The following LTBP2 variants were observed in gnomAD, a reference collection of about 807,000 sequenced individuals.
LTBP2 encodes the protein latent transforming growth factor beta binding protein 2.
LTBP2 carries 103 observed loss-of-function variants against 210.6 expected under a neutral mutation model. The observed-to-expected ratio is 0.49, with a 90% CI of 0.42 to 0.58. The LOEUF is 0.58. Among genes scored for constraint, LTBP2 ranks in the 20% least tolerant of loss-of-function variants. The probability of loss-of-function intolerance (pLI) is 0.00; values close to 1 mark genes in which losing one functional copy is unlikely to be tolerated. For missense variants in LTBP2, 2,313 were observed against 2,494.5 expected (o/e 0.93, Z 1.55); for synonymous variants, 1,007 against 1,015.0 (o/e 0.99, Z 0.15).
At chr14:74,519,260 T>C (rs2139706885) in intron 17 of LTBP2, among the ~76,000 whole-genome samples, 1 of 152,136 alleles carries the variant, frequency 6.6e-6, no homozygotes, top group East Asian at 1.9e-4. Context: ...GCTTAAAGGA[T>C]AGAGGACAAA....
At position 74,502,640 on chromosome 14, in the gene LTBP2, C is replaced by T. The variant is rs1156854397; in HGVS notation, c.5170+13G>A. 1 of 1,614,130 alleles carries T rather than the reference C, an allele frequency of 6.2e-7. No homozygotes were observed. Among genetic ancestry groups the T allele is most frequent in the Non-Finnish European group, 8.5e-7 (1 of 1,180,032 alleles). ...GGTGCCCACCTCTTCCCCAGTTTTG[C>T]AGCAACACAGACCTGGATGGCTGGC... On this transcript the variant is annotated intron_variant, in intron 34 of 35. Transcript: ENST00000261978.
chr14:74,550,046 G>A, intron 7 of LTBP2, 81 bp from the exon 8 acceptor site: 2 of 939,286 alleles, frequency 2.1e-6, no homozygotes, highest in East Asian at 4.9e-5. Flanking sequence ...GGAAAGCCTA[G>A]GACACAGAGC....
intron 8 of LTBP2, among the ~76,000 whole-genome samples, chr14:74,546,457 C>T (rs985353836): frequency 6.6e-6 from 1 of 152,204 alleles, no homozygotes; most frequent in African/African-American, 2.4e-5. Flanking sequence ...ACGTCTTGCC[C>T]CTTCTCTATA....
At chr14:74,541,675 A>G (rs910267142) in intron 8 of LTBP2, among the ~76,000 whole-genome samples, 3 of 152,112 alleles carry the variant, frequency 2.0e-5, no homozygotes, top group African/African-American at 7.2e-5. Flanking sequence ...CTAGGGACCA[A>G]TGGAGGTACC....
chr14:74,526,932 C>A (rs2087280714), intron 13 of LTBP2, among the ~76,000 whole-genome samples: 1 of 152,146 alleles, frequency 6.6e-6, no homozygotes, highest in South Asian at 2.1e-4. Flanking sequence ...TCCCTGTACA[C>A]CACTCCCAGA....
At chr14:74,562,795 G>A (rs994876861) in intron 3 of LTBP2, among the ~76,000 whole-genome samples, 1 of 152,100 alleles carries the variant, frequency 6.6e-6, no homozygotes, top group African/African-American at 2.4e-5. Flanking sequence ...AGAAACAGAC[G>A]CTCTCGGATG....
At chr14:74,547,253 C>G (rs1175805504) in intron 8 of LTBP2, among the ~76,000 whole-genome samples, 1 of 152,208 alleles carries the variant, frequency 6.6e-6, no homozygotes, top group African/African-American at 2.4e-5. Context: ...TAGTGAATTA[C>G]AGAGGAGATA....
Position 74,501,480 on chromosome 14 carries a change from C to T in LTBP2, c.5281G>A (p.Glu1761Lys). The change falls in exon 35 of 36, where the codon GAG becomes AAG. Residue 1761 changes from glutamate (E) to lysine (K), a missense_variant. Transcript: ENST00000261978. ...VREGYTCDCF[E>K]GFQLDAAHMA... ...TGGGCCGCATCCAGCTGGAAGCCCT[C>T]AAAACAGTCACAGGTGTAGCCCTCC... 2 of 1,614,176 alleles carry T rather than the reference C, an allele frequency of 1.2e-6. No individual in the cohort carries two copies. The highest frequency in any genetic ancestry group is 1.7e-6 in the Non-Finnish European group (2 of 1,180,024).
At chr14:74,550,824 C>A (rs367758010) in intron 7 of LTBP2, among the ~76,000 whole-genome samples, 40 of 152,212 alleles carry the variant, frequency 2.6e-4, no homozygotes, top group Non-Finnish European at 4.9e-4. Flanking sequence ...AGGGGAACTT[C>A]CTTGGGTCTT....
chr14:74,609,986 C>G (rs1362621586), intron 1 of LTBP2, among the ~76,000 whole-genome samples: 1 of 152,208 alleles, frequency 6.6e-6, no homozygotes. Context: ...TATGTGTAAG[C>G]GACTTGGCAG....
At chr14:74,517,629 T>C (rs942614057) in intron 17 of LTBP2, among the ~76,000 whole-genome samples, 1 of 151,934 alleles carries the variant, frequency 6.6e-6, no homozygotes, top group Non-Finnish European at 1.5e-5. Flanking sequence ...CTCCTCAGCC[T>C]CCCAAAGTGC....
At chr14:74,536,109 G>A in intron 8 of LTBP2, 109 bp from the exon 9 acceptor site, 2 of 919,990 alleles carry the variant, frequency 2.2e-6, no homozygotes, top group Non-Finnish European at 1.8e-6. Flanking sequence ...CGGCAGCAGT[G>A]AGCCCCAGCC....
intron 27 of LTBP2, among the ~76,000 whole-genome samples, 196 bp from the exon 28 acceptor site, chr14:74,506,387 A>G (rs1425321192): frequency 6.6e-6 from 1 of 152,202 alleles, no homozygotes; most frequent in East Asian, 1.9e-4. Context: ...AGTGGCAGCA[A>G]ACGGTCACAG....
intron 30 of LTBP2, among the ~76,000 whole-genome samples, chr14:74,504,428 C>T (rs1306540394): frequency 4.6e-5 from 7 of 152,214 alleles, no homozygotes; most frequent in Non-Finnish European, 5.9e-5. Flanking sequence ...CTCATCAGTG[C>T]GGCCAGGGAG....
chr14:74,526,798 T>C (rs1296781201), intron 13 of LTBP2, among the ~76,000 whole-genome samples: 1 of 152,172 alleles, frequency 6.6e-6, no homozygotes, highest in Admixed American at 6.5e-5. Context: ...AGATCCCCTC[T>C]TCTGGAATGT....
intron 2 of LTBP2, among the ~76,000 whole-genome samples, chr14:74,592,772 G>A (rs2088299477): frequency 6.6e-6 from 1 of 152,298 alleles, no homozygotes; most frequent in South Asian, 2.1e-4. Flanking sequence ...TATCAAGCAT[G>A]ATACCGCGAT....
rs986147633 is a variant in LTBP2, at chr14:74,586,546, G to A, written c.566-428C>T. On this transcript the variant is annotated intron_variant, in intron 2 of 35. Coordinates refer to ENST00000261978, the MANE Select transcript of LTBP2 (RefSeq NM_000428.3). This position sits in a 1 kb window ranked among gnomAD's most constrained non-coding sequence, Gnocchi z 4.6. ...GTAAACATGGAGCGAATGGATGAAT[G>A]AATCAGTCTCTTTTGCGGGAAAGGG... Among the ~76,000 whole-genome samples, 4 of 152,194 alleles carry A rather than the reference G, an allele frequency of 2.6e-5. No individual in the cohort carries two copies. Among genetic ancestry groups the A allele is most frequent in the Non-Finnish European group, 4.4e-5 (3 of 68,032 alleles).
chr14:74,603,831 T>C, intron 1 of LTBP2, 126 bp from the exon 2 acceptor site: 1 of 776,484 alleles, frequency 1.3e-6, no homozygotes, highest in Non-Finnish European at 2.3e-6. Context: ...GGGAAGGCTG[T>C]CCCTATTCTA....
At chr14:74,527,215 A>G (rs1486477070) in intron 13 of LTBP2, 132 bp downstream of exon 13, 1 of 1,194,056 alleles carries the variant, frequency 8.4e-7, no homozygotes, top group Non-Finnish European at 1.2e-6. Context: ...CATCTCTTCA[A>G]GTAAAATCTA....
Sources: gnomAD v4.1 joint callset for allele counts (sites outside exome capture counted in the v4.1 genomes callset) on GRCh38, gnomAD v4.1.1 for gene constraint, Gnocchi (gnomAD v3.1) non-coding constraint, MANE v1.5 for transcripts, NCBI Gene and HGNC (gene_info 2026-07-23, HGNC 2026-07-21) for gene names.